Variants in RPGR observed in about 807,000 individuals in gnomAD.
RPGR encodes the protein X-linked retinitis pigmentosa GTPase regulator.
A neutral mutation model predicts 56.3 loss-of-function variants in RPGR; 10 were observed. The observed-to-expected ratio is 0.18, with a 90% confidence interval of 0.11 to 0.30. The LOEUF (loss-of-function observed/expected upper bound fraction) is 0.30, where lower values mean the gene tolerates loss of function less well. Ranked by LOEUF, RPGR falls within the 10% of genes least tolerant of loss-of-function variation. The probability of loss-of-function intolerance (pLI) is 1.00; values close to 1 mark genes in which losing one functional copy is unlikely to be tolerated. For synonymous variants in RPGR, 197 were observed against 212.9 expected (o/e 0.93, Z 0.65); for missense variants, 538 against 590.9 (o/e 0.91, Z 0.93).
At chrX:38,316,405 CA>C (rs753504141) in intron 6 of RPGR, among the ~76,000 whole-genome samples, 1 of 111,950 alleles carries the variant, frequency 8.9e-6, no homozygotes, top group Non-Finnish European at 1.9e-5. Flanking sequence ...TCACACAATT[CA>C]TTCAGGCAGT....
At chrX:38,287,074 T>C (rs2067199446) in intron 15 of RPGR, 1 of 1,208,363 alleles carries the variant, frequency 8.3e-7, no homozygotes. Flanking sequence ...TCCCACTGAT[T>C]TTGCCTTGCC....
At chrX:38,305,054 G>A (rs755587521) in intron 7 of RPGR, among the ~76,000 whole-genome samples, 12 of 112,000 alleles carry the variant, frequency 1.1e-4, no homozygotes, top group Non-Finnish European at 9.4e-5. Flanking sequence ...GTAAGTAACA[G>A]GTATGATACA....
chrX:38,305,067 G>A (rs888953545), intron 7 of RPGR, among the ~76,000 whole-genome samples: 1 of 111,486 alleles, frequency 9.0e-6, no homozygotes, highest in Admixed American at 9.6e-5. Flanking sequence ...ATGATACAAG[G>A]CACATAAGTC....
At chrX:38,279,877 T>C (rs915839801) in intron 15 of RPGR, among the ~76,000 whole-genome samples, 1 of 110,702 alleles carries the variant, frequency 9.0e-6, no homozygotes, top group African/African-American at 3.3e-5. Flanking sequence ...ATTTAAGTTA[T>C]ATCAGGTAGA....
chrX:38,297,163 T>C (rs978524934), intron 11 of RPGR, 121 bp downstream of exon 11: 6 of 743,226 alleles, frequency 8.1e-6, no homozygotes, highest in Non-Finnish European at 1.2e-5. Flanking sequence ...TGAGTGATGT[T>C]AGGCTCTAAC....
intron 15 of RPGR, among the ~76,000 whole-genome samples, chrX:38,277,965 G>A (rs1480256105): frequency 8.9e-6 from 1 of 112,106 alleles, no homozygotes; most frequent in Non-Finnish European, 1.9e-5. Context: ...TTGCAAAGGC[G>A]TGGCCTAATA....
At chrX:38,306,747 T>C (rs2067609252) in intron 7 of RPGR, among the ~76,000 whole-genome samples, 1 of 112,602 alleles carries the variant, frequency 8.9e-6, no homozygotes, top group Non-Finnish European at 1.9e-5. Flanking sequence ...CTGATTTTAA[T>C]TAGCCTGTGA....
intron 17 of RPGR, chrX:38,273,760 A>AGAAG: frequency 4.9e-6 from 1 of 202,287 alleles, no homozygotes. Context: ...TAAAATACAA[A>AGAAG]TTACTTTAAA....
At chrX:38,320,879 A>G (rs1601978399) in intron 4 of RPGR, 148 bp downstream of exon 4, 2 of 497,192 alleles carry the variant, frequency 4.0e-6, no homozygotes, top group Admixed American at 7.1e-5. Context: ...TTGCAAAGGC[A>G]AACGTGTACT....
chrX:38,286,942 A>T lies in RPGR; in HGVS notation c.1905+152T>A, dbSNP rs151247357. 2.0e-3 allele frequency: 2,439 copies of T among 1,198,546 alleles called. 18 individuals are homozygous for T. The African/African-American group carries it at 0.026, about 13-fold the overall frequency. ...CTTCTCTCCCTCTCCTGGCCTCTCC[A>T]TTTCTCCTCTACCCTTGTCTTTCTC... On this transcript the variant is annotated intron_variant, in intron 15 of 18. Transcript: ENST00000642395.
rs5918520 is a variant in RPGR, at chrX:38,291,125, T to A, written c.1507-101A>T. On this transcript the variant is annotated intron_variant, in intron 12 of 18. Transcript: ENST00000642395. ...ATAGTATATTTTCAATTATATATATTTTTTTATATATATATATATATAAAA... is the reference window on the plus strand; with the variant it reads ...ATAGTATATTTTCAATTATATATATATTTTTATATATATATATATATAAAA... 44,403 of 158,578 alleles carry A rather than the reference T, an allele frequency of 0.28. 4,584 individuals carry two copies. The highest frequency in any genetic ancestry group is 0.61 in the East Asian group (3,595 of 5,940). The allele number at this position is 158,578 out of a possible 1,213,427, so 13.1% of individuals were successfully genotyped here. A position where few individuals can be genotyped will look rare whatever the true frequency, so the allele number is the denominator to read the frequency against.
At position 38,291,406 on chromosome X, in the gene RPGR, T is replaced by C. The variant is rs1163013962; in HGVS notation, c.1493A>G (p.Asp498Gly). Reference sequence around the variant, plus strand: ...GGAAATCATTACCATGTTTAAGATATCAGTAGTTTCTCCAAGGCTTTCTAC... The same window carrying C: ...GGAAATCATTACCATGTTTAAGATACCAGTAGTTTCTCCAAGGCTTTCTAC... The change falls in exon 12 of 19, where the codon GAT becomes GGT. Residue 498 changes from aspartate (D) to glycine (G), a missense_variant. Around this residue, in one of 2 missense-constraint regions of RPGR, gnomAD observed 357 missense variants for 325.8 expected, o/e 1.10. Coordinates refer to ENST00000642395, the MANE Select transcript of RPGR (RefSeq NM_000328.3). The C allele has an allele frequency of 1.1e-5, 12 of 1,123,459 alleles. No homozygotes were observed. In the South Asian group the frequency reaches 1.6e-4, roughly 15 times the overall value. 92.6% of individuals were successfully genotyped at this position (1,123,459 alleles called of 1,213,427 possible).
At position 38,290,970 on chromosome X, in the gene RPGR, G is replaced by C. The variant is rs755725531; in HGVS notation, c.1561C>G (p.Gln521Glu). ...TCTTCATATTATACCTTTTGTTTCT[G>C]AACTGGTGATAATTTTAATGACTTT... Residue 521 changes from glutamine to glutamate, a missense_variant, in exon 13 of 19, where the codon CAG (glutamine) becomes GAG (glutamate). Physicochemically the swap from Gln to Glu is conservative, Grantham distance 29 (BLOSUM62 2). Transcript: ENST00000642395. 9.5e-6 allele frequency: 10 copies of C among 1,056,454 alleles called. No individual in the cohort carries two copies. In the East Asian group the frequency reaches 2.9e-4, roughly 31 times the overall value. 87.1% of individuals were successfully genotyped at this position (1,056,454 alleles called of 1,213,427 possible).
At chrX:38,323,577 T>A in intron 1 of RPGR, 53 bp from the exon 2 acceptor site, 1 of 1,168,960 alleles carries the variant, frequency 8.6e-7, no homozygotes, top group Non-Finnish European at 1.2e-6. Context: ...TTGCCTGTTA[T>A]TAAAATAACT....
Position 38,318,755 on chromosome X carries a change from C to A in RPGR, c.469+74G>T. ...GAAAACTAAACAGCAATGCTCCCTT[C>A]GGTTTACTGAGTTGGCATATATTGA... On this transcript the variant is annotated intron_variant, in intron 5 of 18. Coordinates refer to ENST00000642395, the MANE Select transcript of RPGR (RefSeq NM_000328.3). The A allele has an allele frequency of 2.8e-6, 3 of 1,083,676 alleles. No homozygotes were observed. The South Asian group carries it at 5.7e-5, about 20-fold the overall frequency. The allele number at this position is 1,083,676 out of a possible 1,213,427, so 89.3% of individuals were successfully genotyped here. A position where few individuals can be genotyped will look rare whatever the true frequency, so the allele number is the denominator to read the frequency against.
Position 38,299,156 on chromosome X carries a change from C to A in RPGR, c.1060-15G>T, listed in dbSNP as rs764384406. ...CCACAAGCAACCTGCAGCATAAATC[C>A]ACAGAAAAACTCATCAACATTGGCT... On this transcript the variant is annotated splice_polypyrimidine_tract_variant and intron_variant, in intron 9 of 18. Transcript: ENST00000642395. 2.5e-6 allele frequency: 3 copies of A among 1,204,283 alleles called. No individual in the cohort carries two copies. The highest frequency in any genetic ancestry group is 3.4e-6 in the Non-Finnish European group (3 of 890,267).
chrX:38,297,312 T>A lies in RPGR; in HGVS notation c.1386A>T (p.Glu462Asp), dbSNP rs1278930220. The A allele has an allele frequency of 3.3e-6, 4 of 1,210,703 alleles. No individual in the cohort carries two copies. The highest frequency in any genetic ancestry group is 3.0e-5 in the East Asian group (1 of 33,742). ...GTTCCTCTGGCTGCATGAGGTCCTG[T>A]TCAGATAAGACACTCTCTTGGAGGT... is the stretch of plus-strand genomic sequence containing the variant. Residue 462 changes from glutamate (E) to aspartate (D), a missense_variant, in exon 11 of 19, where the codon GAA (glutamate) becomes GAT (aspartate). Around this residue, in one of 2 missense-constraint regions of RPGR, gnomAD observed 357 missense variants for 325.8 expected, o/e 1.10. Transcript: ENST00000642395.
At chrX:38,312,102 G>C (rs898552715) in intron 6 of RPGR, among the ~76,000 whole-genome samples, 3 of 112,352 alleles carry the variant, frequency 2.7e-5, no homozygotes, top group African/African-American at 9.7e-5. Context: ...CAATGCACAA[G>C]ATATGCACCA....
intron 15 of RPGR, among the ~76,000 whole-genome samples, chrX:38,281,980 A>G (rs1248567657): frequency 8.9e-6 from 1 of 111,848 alleles, no homozygotes; most frequent in Admixed American, 9.5e-5. Context: ...GCTCACATCA[A>G]TAACACTCTA....
Sources: allele counts gnomAD v4.1 joint callset (sites outside exome capture counted in the v4.1 genomes callset), GRCh38; gene constraint gnomAD v4.1.1; regional missense constraint gnomAD v4.1.1; transcripts MANE v1.5; gene names NCBI Gene and HGNC (gene_info 2026-07-23, HGNC 2026-07-21).